Variants in IQCM observed in about 807,000 individuals in gnomAD.
IQCM encodes IQ motif containing M.
In IQCM, 45 loss-of-function variants were observed where a neutral mutation model predicts 57.6. The ratio of observed to expected loss-of-function variants is 0.78; its 90% confidence interval spans 0.62 to 1.00. The LOEUF is 1.00. Ranked by LOEUF, IQCM falls within the 50% of genes least tolerant of loss-of-function variation. The probability of loss-of-function intolerance (pLI) is 0.00; values close to 1 mark genes in which losing one functional copy is unlikely to be tolerated. For missense variants in IQCM, 468 were observed against 511.6 expected (o/e 0.91, Z 0.82); for synonymous variants, 148 against 158.9 (o/e 0.93, Z 0.51).
chr4:149,722,155 T>C (rs1765502822), intron 5 of IQCM, among the ~76,000 whole-genome samples: 1 of 152,110 alleles, frequency 6.6e-6, no homozygotes, highest in Admixed American at 6.6e-5. Flanking sequence ...GTCTTCTCCT[T>C]GCTGATTTGT....
At chr4:149,572,098 T>C (rs1449353162) in intron 9 of IQCM, among the ~76,000 whole-genome samples, 1 of 151,984 alleles carries the variant, frequency 6.6e-6, no homozygotes, top group Non-Finnish European at 1.5e-5. Context: ...ATGATGACCC[T>C]GGATGGGAAG....
chr4:149,439,165 C>T (rs1236273601), intron 12 of IQCM, among the ~76,000 whole-genome samples: 1 of 151,828 alleles, frequency 6.6e-6, no homozygotes, highest in African/African-American at 2.4e-5. Context: ...AATCAAAATG[C>T]CATTTTAGAG....
In IQCM at chr4:149,590,375, T is replaced by A. The variant is rs4260519; in HGVS notation, c.682-2378A>T. ...ATATATTCACATCTCAAGTCTATTC[T>A]GCCTTGATGTTTCACCTCTATTTTC... On this transcript the variant is annotated intron_variant, in intron 8 of 13. Transcript: ENST00000636793. Among the ~76,000 whole-genome samples, 3 of 150,524 alleles carry A rather than the reference T, an allele frequency of 2.0e-5. No individual in the cohort carries two copies. In the East Asian group the frequency reaches 5.9e-4, roughly 30 times the overall value.
intron 12 of IQCM, among the ~76,000 whole-genome samples, chr4:149,513,749 A>C (rs911486967): frequency 6.6e-6 from 1 of 152,166 alleles, no homozygotes; most frequent in Non-Finnish European, 1.5e-5. Flanking sequence ...GTTGAAGTAT[A>C]ATCACAATCA....
At chr4:149,391,017 T>C (rs1192481446) in intron 13 of IQCM, among the ~76,000 whole-genome samples, 1 of 152,092 alleles carries the variant, frequency 6.6e-6, no homozygotes, top group East Asian at 1.9e-4. Context: ...AATGTGATAC[T>C]GGCATGAGGA....
intron 12 of IQCM, among the ~76,000 whole-genome samples, chr4:149,541,992 A>G (rs1747897068): frequency 6.6e-6 from 1 of 152,080 alleles, no homozygotes; most frequent in African/African-American, 2.4e-5. Context: ...ATAAAATCAA[A>G]TTCTTTTAAG....
At chr4:149,702,531 CT>C (rs1165019462) in intron 5 of IQCM, among the ~76,000 whole-genome samples, 1 of 151,814 alleles carries the variant, frequency 6.6e-6, no homozygotes, top group African/African-American at 2.4e-5. Context: ...AAGAGTCATC[CT>C]TTTCCTCTCC....
At chr4:149,470,720 G>A (rs968627107) in intron 12 of IQCM, among the ~76,000 whole-genome samples, 1 of 152,126 alleles carries the variant, frequency 6.6e-6, no homozygotes, top group South Asian at 2.1e-4. Flanking sequence ...CACATAGTCG[G>A]AAGTAAAGCA....
Position 149,653,224 on chromosome 4 carries a change from G to T in IQCM, c.565+28894C>A, listed in dbSNP as rs141634446. 1.3e-4 allele frequency among the ~76,000 whole-genome samples: 20 copies of T among 152,158 alleles called. No individual in the cohort carries two copies. The East Asian group carries it at 3.7e-3, about 28-fold the overall frequency. ...TCAAGAGTCTTCCCTGGGAGATGGA[G>T]AAGATGGCAGCAGGTGTGGCCAATT... On this transcript the variant is annotated intron_variant, in intron 7 of 13. Coordinates refer to ENST00000636793, the MANE Select transcript of IQCM (RefSeq NM_001363507.2).
At chr4:149,570,009 G>T (rs1751006377) in intron 9 of IQCM, among the ~76,000 whole-genome samples, 1 of 151,856 alleles carries the variant, frequency 6.6e-6, no homozygotes, top group African/African-American at 2.4e-5. Flanking sequence ...TATATAAATG[G>T]TTTCAACTAA....
intron 7 of IQCM, among the ~76,000 whole-genome samples, chr4:149,635,511 A>G (rs1486350252): frequency 6.6e-6 from 1 of 152,228 alleles, no homozygotes; most frequent in African/African-American, 2.4e-5. Flanking sequence ...GCCTACTACA[A>G]AAAGGTCATA....
chr4:149,355,648 G>A (rs1728918785), intron 13 of IQCM, among the ~76,000 whole-genome samples: 1 of 152,124 alleles, frequency 6.6e-6, no homozygotes, highest in African/African-American at 2.4e-5. Flanking sequence ...TATCATTGTT[G>A]CACATTTGGG....
chr4:149,724,514 T>C (rs992053946), intron 5 of IQCM, among the ~76,000 whole-genome samples: 1 of 151,864 alleles, frequency 6.6e-6, no homozygotes, highest in South Asian at 2.1e-4. Flanking sequence ...CATACAAATA[T>C]GTAGAGACTC....
intron 7 of IQCM, among the ~76,000 whole-genome samples, chr4:149,675,978 T>C (rs1187453231): frequency 6.6e-6 from 1 of 152,050 alleles, no homozygotes; most frequent in African/African-American, 2.4e-5. Flanking sequence ...GAGAGTTGGT[T>C]ATTATGTAGA....
intron 7 of IQCM, among the ~76,000 whole-genome samples, chr4:149,671,823 T>C (rs1761313509): frequency 6.6e-6 from 1 of 152,192 alleles, no homozygotes; most frequent in Non-Finnish European, 1.5e-5. Flanking sequence ...TCTAGTTTGA[T>C]TGCACTGTGA....
intron 2 of IQCM, among the ~76,000 whole-genome samples, chr4:149,755,247 TA>T (rs1768852845): frequency 6.6e-6 from 1 of 152,122 alleles, no homozygotes; most frequent in African/African-American, 2.4e-5. Flanking sequence ...GTTATTCAAA[TA>T]AAACATAGGT....
intron 12 of IQCM, among the ~76,000 whole-genome samples, chr4:149,469,466 G>T (rs919895607): frequency 2.6e-5 from 4 of 152,174 alleles, no homozygotes; most frequent in African/African-American, 9.6e-5. Context: ...AGAAATATGG[G>T]ACTATGTGAA....
At chr4:149,641,961 T>C (rs1207417438) in intron 7 of IQCM, among the ~76,000 whole-genome samples, 1 of 152,154 alleles carries the variant, frequency 6.6e-6, no homozygotes, top group African/African-American at 2.4e-5. Flanking sequence ...ACAATTTCAC[T>C]GTAGATAAAT....
chr4:149,460,199 A>G (rs912235923), intron 12 of IQCM, among the ~76,000 whole-genome samples: 1 of 152,114 alleles, frequency 6.6e-6, no homozygotes, highest in Admixed American at 6.6e-5. Context: ...TCGTGTGCTT[A>G]TTAGCCATTG....
Sources: allele counts gnomAD v4.1 joint callset (sites outside exome capture counted in the v4.1 genomes callset), GRCh38; gene constraint gnomAD v4.1.1; transcripts MANE v1.5; gene names NCBI Gene and HGNC (gene_info 2026-07-23, HGNC 2026-07-21).